Variants in RANBP10 observed in about 807,000 individuals in gnomAD.
The protein encoded by RANBP10 is ran-binding protein 10.
Under a neutral mutation model 72.8 loss-of-function variants are expected in RANBP10, and 24 were observed. The ratio of observed to expected loss-of-function variants is 0.33; its 90% CI spans 0.24 to 0.46. RANBP10 has a LOEUF of 0.46. Ranked by LOEUF, RANBP10 falls within the 20% of genes least tolerant of loss-of-function variation. The pLI is 1.00. For synonymous variants in RANBP10, 310 were observed against 322.3 expected (o/e 0.96, Z 0.41); for missense variants, 679 against 817.5 (o/e 0.83, Z 2.07).
chr16:67,742,678 T>G (rs960957914), intron 4 of RANBP10, among the ~76,000 whole-genome samples: 3 of 152,060 alleles, frequency 2.0e-5, no homozygotes, highest in Non-Finnish European at 4.4e-5. Context: ...GAGGGAACAG[T>G]AGAGTCTGCC....
intron 12 of RANBP10, 86 bp from the exon 13 acceptor site, chr16:67,727,524 T>TCCAG: frequency 2.2e-6 from 3 of 1,377,116 alleles, no homozygotes; most frequent in Non-Finnish European, 3.0e-6. Flanking sequence ...GACAGGGCCC[T>TCCAG]GCATGATGCC....
intron 2 of RANBP10, among the ~76,000 whole-genome samples, chr16:67,776,498 GT>G (rs1397086279): frequency 6.8e-6 from 1 of 147,762 alleles, no homozygotes; most frequent in African/African-American, 2.5e-5. Context: ...AATTGGCCAG[GT>G]GTGGTGGCTC....
rs564755594 is a variant in RANBP10 at position 67,794,917 on chromosome 16, C to A, written c.347+10511G>T. On this transcript the variant is annotated intron_variant, in intron 2 of 13. Coordinates refer to ENST00000317506, the MANE Select transcript of RANBP10 (RefSeq NM_020850.3). Reference sequence around the variant, plus strand: ...TCCAGCCTAGGTGACAAGAGTGAGACCCTGCCTCAAATTAAAAAAAAAAAA... The same window carrying A: ...TCCAGCCTAGGTGACAAGAGTGAGAACCTGCCTCAAATTAAAAAAAAAAAA... Among the ~76,000 whole-genome samples the A allele has an allele frequency of 5.5e-5, 8 of 145,030 alleles. No homozygotes were observed. In the South Asian group the frequency reaches 1.8e-3, roughly 32 times the overall value.
chr16:67,784,638 A>G (rs2143016223), intron 2 of RANBP10, among the ~76,000 whole-genome samples: 1 of 152,156 alleles, frequency 6.6e-6, no homozygotes, highest in South Asian at 2.1e-4. Flanking sequence ...CCTGGGCCAC[A>G]AGAGTGAAAC....
chr16:67,772,717 C>A (rs2054630992), intron 2 of RANBP10, among the ~76,000 whole-genome samples: 1 of 152,114 alleles, frequency 6.6e-6, no homozygotes, highest in African/African-American at 2.4e-5. Flanking sequence ...GGGGCTTATT[C>A]TCTTTGAACC....
At chr16:67,742,534 C>T (rs2053989371) in intron 4 of RANBP10, among the ~76,000 whole-genome samples, 2 of 152,224 alleles carry the variant, frequency 1.3e-5, no homozygotes, top group South Asian at 4.1e-4. Flanking sequence ...CTAAAAACAG[C>T]CTAAGGGCTT....
intron 3 of RANBP10, among the ~76,000 whole-genome samples, chr16:67,754,796 C>T (rs1038097564): frequency 6.6e-6 from 1 of 152,210 alleles, no homozygotes; most frequent in Admixed American, 6.5e-5. Flanking sequence ...CTGTTCTTCC[C>T]GTGATAGGCC....
intron 3 of RANBP10, among the ~76,000 whole-genome samples, chr16:67,752,019 C>G (rs2054207087): frequency 6.6e-6 from 1 of 151,816 alleles, no homozygotes; most frequent in African/African-American, 2.4e-5. Flanking sequence ...TCACCATCAC[C>G]TCAGTTTGGC....
At chr16:67,752,805 G>T (rs2054220787) in intron 3 of RANBP10, among the ~76,000 whole-genome samples, 1 of 152,170 alleles carries the variant, frequency 6.6e-6, no homozygotes, top group South Asian at 2.1e-4. Context: ...CTATCTGCTT[G>T]CCACCAAATA....
In RANBP10 at chr16:67,726,197, C is replaced by T; in HGVS notation, c.*231G>A. On this transcript the variant is annotated 3_prime_UTR_variant, in exon 14 of 14. Coordinates refer to ENST00000317506, the MANE Select transcript of RANBP10 (RefSeq NM_020850.3). ...GAAGGCGCTACATGAGAGTAACCAGCCAATACTGTGTTACAGGCCGCTGCA... is the reference window on the plus strand; with the variant it reads ...GAAGGCGCTACATGAGAGTAACCAGTCAATACTGTGTTACAGGCCGCTGCA... 1.9e-6 allele frequency: 1 copy of T among 525,662 alleles called. No individual in the cohort carries two copies. The highest frequency in any genetic ancestry group is 3.3e-6 in the Non-Finnish European group (1 of 298,802). The allele number at this position is 525,662 out of a possible 1,614,324, so 32.6% of individuals were successfully genotyped here.
intron 2 of RANBP10, among the ~76,000 whole-genome samples, chr16:67,783,217 G>C (rs1390015062): frequency 1.3e-5 from 2 of 152,168 alleles, no homozygotes; most frequent in East Asian, 1.9e-4. Flanking sequence ...ATTTGGCACA[G>C]CTCCAACTGA....
At chr16:67,765,214 A>AC (rs2054477405) in intron 3 of RANBP10, among the ~76,000 whole-genome samples, 2 of 150,574 alleles carry the variant, frequency 1.3e-5, no homozygotes, top group Admixed American at 6.6e-5. Flanking sequence ...AAAAAAAAAA[A>AC]AAAAAAAAAA....
chr16:67,801,258 A>G lies in RANBP10; in HGVS notation c.347+4170T>C, dbSNP rs901251300. Among the ~76,000 whole-genome samples the G allele has an allele frequency of 3.9e-5, 6 of 152,290 alleles. No individual in the cohort carries two copies. The East Asian group carries it at 9.6e-4, about 24-fold the overall frequency. On this transcript the variant is annotated intron_variant, in intron 2 of 13. Transcript: ENST00000317506. ...CAAGCCCGGCCCAGAGCATGCCACA[A>G]TTCTCTGGCCCTACACAGCACCATG...
intron 3 of RANBP10, among the ~76,000 whole-genome samples, chr16:67,763,665 C>T (rs2054441899): frequency 7.7e-6 from 1 of 130,466 alleles, no homozygotes; most frequent in Non-Finnish European, 1.5e-5. Context: ...TCCCTACCAC[C>T]CCCATAACCC....
At chr16:67,755,619 G>T (rs970314593) in intron 3 of RANBP10, among the ~76,000 whole-genome samples, 1 of 151,126 alleles carries the variant, frequency 6.6e-6, no homozygotes, top group South Asian at 2.1e-4. Context: ...GGGAGGCGGA[G>T]GTTGCAGTGA....
intron 2 of RANBP10, among the ~76,000 whole-genome samples, chr16:67,797,389 C>T (rs1390747550): frequency 6.6e-6 from 1 of 152,248 alleles, no homozygotes; most frequent in Non-Finnish European, 1.5e-5. Flanking sequence ...TGGCCACAGG[C>T]CAGGTGTGGT....
rs184365871 is a variant in RANBP10, at chr16:67,737,503, G to A, written c.591+510C>T. Among the ~76,000 whole-genome samples the A allele has an allele frequency of 1.5e-3, 221 of 152,084 alleles. 1 individual carries two copies. Among genetic ancestry groups the A allele is most frequent in the African/African-American group, 5.1e-3 (210 of 41,506 alleles). On this transcript the variant is annotated intron_variant, in intron 5 of 13. Coordinates refer to ENST00000317506, the MANE Select transcript of RANBP10 (RefSeq NM_020850.3). ...AGGTGTGAGCCACCGCACCCGGCCA[G>A]AAAACTCCATCCTTTTCTAAGAAGA...
chr16:67,728,666 C>G (rs1415300118), intron 10 of RANBP10, 155 bp from the exon 11 acceptor site: 9 of 1,395,076 alleles, frequency 6.5e-6, no homozygotes, highest in Non-Finnish European at 8.7e-6. Context: ...GTCTTCAGCA[C>G]TTGGCCCCTA....
At position 67,727,508 on chromosome 16, in the gene RANBP10, G is replaced by C. The variant is rs2053628190; in HGVS notation, c.1621-70C>G. On this transcript the variant is annotated intron_variant, in intron 12 of 13. Transcript: ENST00000317506. ...GCTCACCCTGCTACCCGTGGCTCCA[G>C]AGGGAGACAGGGCCCTGCATGATGC... 12 of 1,452,660 alleles carry C rather than the reference G, an allele frequency of 8.3e-6. No homozygotes were observed. The South Asian group carries it at 1.3e-4, about 16-fold the overall frequency. 90.0% of individuals were successfully genotyped at this position (1,452,660 alleles called of 1,614,324 possible).
Sources: gnomAD v4.1 joint callset for allele counts (sites outside exome capture counted in the v4.1 genomes callset) on GRCh38, gnomAD v4.1.1 for gene constraint, MANE v1.5 for transcripts, NCBI Gene and HGNC (gene_info 2026-07-23, HGNC 2026-07-21) for gene names.